The following CCDC9 variants were observed in gnomAD, a reference collection of about 807,000 sequenced individuals.
The protein encoded by CCDC9 is coiled-coil domain-containing protein 9.
CCDC9 carries 52 observed loss-of-function variants against 65.6 expected under a neutral mutation model. That is an observed-to-expected ratio of 0.79 (90% CI 0.63 to 1.00). CCDC9 has a LOEUF of 1.00. CCDC9 is among the 50% of genes least tolerant of loss of function. The pLI, the probability that CCDC9 is intolerant of heterozygous loss-of-function variation, is 0.00. For missense variants in CCDC9, 834 were observed against 757.2 expected, an observed-to-expected ratio of 1.10 and a Z score of -1.19; for synonymous variants, 332 against 280.3, an observed-to-expected ratio of 1.18 and a Z score of -1.84.
rs1348161535 is a variant in CCDC9, at chr19:47,266,607, G to A, written c.721-4G>A. The A allele has an allele frequency of 2.6e-6, 4 of 1,521,452 alleles. No individual in the cohort carries two copies. Among genetic ancestry groups the A allele is most frequent in the South Asian group, 2.5e-5 (2 of 79,698 alleles). 94.2% of individuals were successfully genotyped at this position (1,521,452 alleles called of 1,614,324 possible). A position where few individuals can be genotyped will look rare whatever the true frequency, so the allele number is the denominator to read the frequency against. On this transcript the variant is annotated splice_polypyrimidine_tract_variant and splice_region_variant and intron_variant, in intron 7 of 11. Transcript: ENST00000221922. ...ACCCTGACTCCCTGTGGGCTGGGGG[G>A]CAGGGCCGCCGAGCTGGCCTGGGCA...
chr19:47,262,544 C>T (rs1400073839), intron 5 of CCDC9, among the ~76,000 whole-genome samples: 1 of 152,004 alleles, frequency 6.6e-6, no homozygotes, highest in African/African-American at 2.4e-5. Flanking sequence ...GCTTGGTGGC[C>T]CCTAGGTCCT....
intron 10 of CCDC9, 54 bp downstream of exon 10, chr19:47,270,742 T>C (rs2059111563): frequency 2.0e-6 from 3 of 1,533,828 alleles, no homozygotes; most frequent in African/African-American, 1.4e-5. Context: ...CGCAGGGCGT[T>C]CTCTTCTTTG....
At chr19:47,273,582 G>T (rs1406645172), downstream of CCDC9, 2 of 413,294 alleles carry the variant, frequency 4.8e-6, no homozygotes, top group Non-Finnish European at 8.3e-6. Context: ...GGAGGAGCCA[G>T]GGTCTGCGAG....
Position 47,262,508 on chromosome 19 carries a change from C to T in CCDC9, c.462+1669C>T, listed in dbSNP as rs113295289. Among the ~76,000 whole-genome samples the T allele has an allele frequency of 1.6e-4, 24 of 151,974 alleles. No homozygotes were observed. The South Asian group carries it at 2.9e-3, about 18-fold the overall frequency. ...CTGCGATGACATGTGTGAGCTGCTG[C>T]GCCCGGCCTGGTTCCTGTTTTTGTT... On this transcript the variant is annotated intron_variant, in intron 5 of 11. Coordinates refer to ENST00000221922, the MANE Select transcript of CCDC9 (RefSeq NM_015603.3).
In CCDC9 at chr19:47,260,628, C is replaced by G; in HGVS notation, c.251C>G (p.Pro84Arg). Residue 84 changes from proline (P) to arginine (R), a missense_variant, in exon 5 of 12, where the codon CCT (proline) becomes CGT (arginine). Transcript: ENST00000221922. ...CCTTCCCGGAGGTCTCCTGGGACCC[C>G]TCGGCCCCCAGGGGCCAGCAAGGGG... ...LGPSRRSPGT[P>R]RPPGASKGGR... The G allele has an allele frequency of 6.6e-7, 1 of 1,523,510 alleles. No individual in the cohort carries two copies. The highest frequency in any genetic ancestry group is 2.3e-5 in the East Asian group (1 of 44,292). The allele number at this position is 1,523,510 out of a possible 1,614,324, so 94.4% of individuals were successfully genotyped here. A position where few individuals can be genotyped will look rare whatever the true frequency, so the allele number is the denominator to read the frequency against.
Position 47,264,894 on chromosome 19 carries a change from G to C in CCDC9, c.668G>C (p.Trp223Ser), listed in dbSNP as rs779052907. Residue 223 changes from tryptophan to serine, a missense_variant, in exon 7 of 12, where the codon TGG (tryptophan) becomes TCG (serine). Transcript: ENST00000221922. ...REESRRHGRN[W>S]GGPDFERVRC... ...GAGAGCCGCCGGCACGGCCGCAACT[G>C]GGGGGGCCCCGACTTCGAGCGGGTG... 22 of 1,466,464 alleles carry C rather than the reference G, an allele frequency of 1.5e-5. No homozygotes were observed. Among genetic ancestry groups the C allele is most frequent in the Middle Eastern group, 4.0e-4 (2 of 5,006 alleles). 90.8% of individuals were successfully genotyped at this position (1,466,464 alleles called of 1,614,324 possible).
Position 47,264,843 on chromosome 19 carries a change from AG to A in CCDC9, c.619del (p.Glu207SerfsTer46). On this transcript the variant is annotated frameshift_variant, in exon 7 of 12. Transcript: ENST00000221922. LOFTEE classifies it high-confidence loss of function. ...DDPRRRSGPLEESERDRREES... is the reference protein window; with the variant it reads ...DDPRRRSGPLXESERDRREES... The stretch of plus-strand genomic sequence containing the variant: ...CCCCGGCGACGCAGCGGGCCCCTGG[AG>A]GAGTCTGAGCGGGACCGCCGGGAGG... 2 of 1,544,086 alleles carry A rather than the reference AG, an allele frequency of 1.3e-6. No homozygotes were observed. The highest frequency in any genetic ancestry group is 1.7e-6 in the Non-Finnish European group (2 of 1,144,928).
intron 9 of CCDC9, 49 bp downstream of exon 9, chr19:47,270,502 G>A: frequency 6.2e-7 from 1 of 1,614,024 alleles, no homozygotes; most frequent in Non-Finnish European, 8.5e-7. Flanking sequence ...GGAGTCAGGG[G>A]TGGTGTGTGC....
downstream of CCDC9, among the ~76,000 whole-genome samples, chr19:47,272,486 G>A (rs1349645122): frequency 6.6e-6 from 1 of 151,498 alleles, no homozygotes; most frequent in Non-Finnish European, 1.5e-5. Flanking sequence ...GTGTGGATCG[G>A]ATGCCTTGGC....
chr19:47,272,706 A>G (rs954137090), downstream of CCDC9, among the ~76,000 whole-genome samples: 1 of 152,150 alleles, frequency 6.6e-6, no homozygotes, highest in Non-Finnish European at 1.5e-5. Context: ...GGCCAAAGAG[A>G]TGGGCAAGGG....
At chr19:47,267,854 T>A (rs1052096222) in intron 8 of CCDC9, among the ~76,000 whole-genome samples, 1 of 151,956 alleles carries the variant, frequency 6.6e-6, no homozygotes, top group East Asian at 1.9e-4. Context: ...TTTTTTTTTT[T>A]ACTTTTTTTT....
rs374413796 is a variant in CCDC9 at position 47,271,327 on chromosome 19, G to T, written c.1245G>T (p.Glu415Asp). The T allele has an allele frequency of 6.2e-7, 1 of 1,612,140 alleles. No homozygotes were observed. Among genetic ancestry groups the T allele is most frequent in the Non-Finnish European group, 8.5e-7 (1 of 1,179,172 alleles). Residue 415 changes from glutamate to aspartate, a missense_variant, in exon 12 of 12, where the codon GAG (glutamate) becomes GAT (aspartate). Transcript: ENST00000221922. Reference sequence around the variant, plus strand: ...GGCCTCCTGAAGACGAGGGGGAAGAGAATGAGGGGGAAGAGGATGAAGAAT... The same window carrying T: ...GGCCTCCTGAAGACGAGGGGGAAGATAATGAGGGGGAAGAGGATGAAGAAT... The part of the protein sequence containing the change: ...AHRPPEDEGE[E>D]NEGEEDEEWE...
At chr19:47,267,699 A>G (rs1023194936) in intron 8 of CCDC9, among the ~76,000 whole-genome samples, 2 of 152,168 alleles carry the variant, frequency 1.3e-5, no homozygotes, top group Non-Finnish European at 2.9e-5. Flanking sequence ...GGATAGGAAC[A>G]CCGGTGGCGG....
At chr19:47,265,280 C>G (rs1345122622) in intron 7 of CCDC9, among the ~76,000 whole-genome samples, 1 of 152,124 alleles carries the variant, frequency 6.6e-6, no homozygotes, top group Non-Finnish European at 1.5e-5. Flanking sequence ...GTCTTGAACT[C>G]CTGACCTCAA....
chr19:47,273,985 G>A, downstream of CCDC9: 1 of 985,004 alleles, frequency 1.0e-6, no homozygotes, highest in Non-Finnish European at 1.2e-6. Context: ...AATTCCTGAA[G>A]ACGCTGCTGG....
intron 7 of CCDC9, chr19:47,266,308 G>T: frequency 3.0e-6 from 1 of 338,418 alleles, no homozygotes; most frequent in Non-Finnish European, 5.4e-6. Flanking sequence ...GAAGAGTTTG[G>T]AGGCAGAGCC....
intron 7 of CCDC9, 71 bp downstream of exon 7, chr19:47,265,017 C>T: frequency 7.9e-7 from 1 of 1,269,398 alleles, no homozygotes; most frequent in Non-Finnish European, 1.0e-6. Flanking sequence ...AGGAACCAGA[C>T]AGATCAGGGC....
chr19:47,274,918 G>C, downstream of CCDC9: 9 of 1,317,502 alleles, frequency 6.8e-6, no homozygotes, highest in Non-Finnish European at 8.6e-6. Flanking sequence ...TGGGCTGCGG[G>C]GATGCGGGGG....
downstream of CCDC9, chr19:47,275,122 A>C (rs748575391): frequency 5.4e-6 from 8 of 1,490,404 alleles, no homozygotes; most frequent in South Asian, 8.9e-5. Flanking sequence ...GCCGGCCCAC[A>C]GCCCAGCGCG....
Sources: gnomAD v4.1 joint callset for allele counts (sites outside exome capture counted in the v4.1 genomes callset) on GRCh38, gnomAD v4.1.1 for gene constraint, MANE v1.5 for transcripts, NCBI Gene and HGNC (gene_info 2026-07-23, HGNC 2026-07-21) for gene names.